KIF21A: variants seen among roughly 807,000 people sequenced by gnomAD.
The protein encoded by KIF21A is kinesin family member 21A.
In KIF21A, 114 loss-of-function variants were observed where a neutral mutation model predicts 202.9. The observed-to-expected ratio is 0.56, with a 90% CI of 0.48 to 0.66. The LOEUF (loss-of-function observed/expected upper bound fraction) is 0.66, where lower values mean the gene tolerates loss of function less well. KIF21A is among the 30% of genes least tolerant of loss of function. The pLI is 0.00. For missense variants in KIF21A, 1,677 were observed against 1,994.9 expected (o/e 0.84, Z 3.04); for synonymous variants, 667 against 670.8 (o/e 0.99, Z 0.09).
chr12:39,300,653 T>C (rs865942710), intron 37 of KIF21A, among the ~76,000 whole-genome samples: 9 of 152,254 alleles, frequency 5.9e-5, no homozygotes, highest in Middle Eastern at 3.4e-3. Context: ...ACACTTCACA[T>C]TATATAATAC....
At chr12:39,330,364 A>C in intron 23 of KIF21A, 102 bp from the exon 24 acceptor site, 1 of 1,021,250 alleles carries the variant, frequency 9.8e-7, no homozygotes, top group Non-Finnish European at 1.5e-6. Flanking sequence ...TACCATTTAC[A>C]TGTAGAATAG....
rs1212315124 is a variant in KIF21A, at chr12:39,392,905, TAATAA to T, written c.45-22649_45-22645del. ...AGAAAAAGACAATAAAATAAAAAGA[TAATAA>T]AATAAAATAAAAAGGTAATAAAATA... On this transcript the variant is annotated intron_variant, in intron 1 of 37. Transcript: ENST00000361418. Among the ~76,000 whole-genome samples the T allele has an allele frequency of 7.1e-5, 10 of 140,298 alleles. No homozygotes were observed. In the East Asian group the frequency reaches 1.8e-3, roughly 26 times the overall value. 92.0% of individuals were successfully genotyped at this position (140,298 alleles called of 152,430 possible). A position where few individuals can be genotyped will look rare whatever the true frequency, so the allele number is the denominator to read the frequency against.
At chr12:39,404,262 G>A (rs955920182) in intron 1 of KIF21A, among the ~76,000 whole-genome samples, 2 of 152,060 alleles carry the variant, frequency 1.3e-5, no homozygotes, top group African/African-American at 4.8e-5. Context: ...CCATGCCTAG[G>A]TCCAGGAGAT....
chr12:39,388,104 A>T (rs1184186287), intron 1 of KIF21A, among the ~76,000 whole-genome samples: 6 of 152,098 alleles, frequency 3.9e-5, no homozygotes, highest in Non-Finnish European at 5.9e-5. Context: ...TTTGATCCCC[A>T]GTGTTGGAGG....
intron 22 of KIF21A, among the ~76,000 whole-genome samples, chr12:39,331,445 G>A (rs1247279472): frequency 6.6e-6 from 1 of 152,050 alleles, no homozygotes; most frequent in Non-Finnish European, 1.5e-5. Context: ...AGCAAAAGGG[G>A]AATTATTTCT....
At chr12:39,434,871 A>G (rs1234069401) in intron 1 of KIF21A, among the ~76,000 whole-genome samples, 1 of 152,228 alleles carries the variant, frequency 6.6e-6, no homozygotes, top group Admixed American at 6.5e-5. Flanking sequence ...AAGATAAAAG[A>G]CTTATTTAGA....
At chr12:39,392,209 G>C (rs1469449683) in intron 1 of KIF21A, among the ~76,000 whole-genome samples, 1 of 152,178 alleles carries the variant, frequency 6.6e-6, no homozygotes, top group Non-Finnish European at 1.5e-5. Flanking sequence ...AATTAACAGA[G>C]CTTAGAAAAA....
At chr12:39,383,891 C>T (rs929584858) in intron 1 of KIF21A, among the ~76,000 whole-genome samples, 1 of 152,130 alleles carries the variant, frequency 6.6e-6, no homozygotes, top group African/African-American at 2.4e-5. Flanking sequence ...TTAATGTGTA[C>T]ATGAATTACT....
chr12:39,324,062 A>T (rs1043921426), intron 26 of KIF21A, among the ~76,000 whole-genome samples: 1 of 152,012 alleles, frequency 6.6e-6, no homozygotes, highest in Non-Finnish European at 1.5e-5. Context: ...GTGAGCTGAG[A>T]TCGCGCCACT....
At chr12:39,393,072 T>C (rs1417441952) in intron 1 of KIF21A, among the ~76,000 whole-genome samples, 1 of 151,074 alleles carries the variant, frequency 6.6e-6, no homozygotes, top group Admixed American at 6.6e-5. Flanking sequence ...CTAAGGAAAT[T>C]GCTGTGTAGG....
chr12:39,339,685 A>G (rs1192915460), intron 16 of KIF21A, among the ~76,000 whole-genome samples: 1 of 152,208 alleles, frequency 6.6e-6, no homozygotes, highest in African/African-American at 2.4e-5. Context: ...TGGACAGGGG[A>G]AGAAAATTAG....
chr12:39,400,421 C>T (rs141362983), intron 1 of KIF21A, among the ~76,000 whole-genome samples: 271 of 152,276 alleles, frequency 1.8e-3, no homozygotes, highest in African/African-American at 5.8e-3. Flanking sequence ...GCTATTCTTC[C>T]TAATGCTCTA....
In KIF21A at chr12:39,367,993, G is replaced by A. The variant is rs745978127; in HGVS notation, c.490C>T (p.Arg164Cys). 5.6e-6 allele frequency: 9 copies of A among 1,596,848 alleles called. No homozygotes were observed. Among genetic ancestry groups the A allele is most frequent in the South Asian group, 2.2e-5 (2 of 90,674 alleles). Residue 164 changes from arginine to cysteine, a missense_variant, in exon 4 of 38, where the codon CGT becomes TGT. Physicochemically the swap from Arg to Cys is radical, Grantham distance 180 (BLOSUM62 -3). Coordinates refer to ENST00000361418, the MANE Select transcript of KIF21A (RefSeq NM_001173464.2). ...TTTTTACTTTTTGCATCAATATCAC[G>A]AGTGGTATCAAATAAGTCAAGGACC... ...EEVLDLFDTT[R>C]DIDAKSKKSN...
intron 1 of KIF21A, among the ~76,000 whole-genome samples, chr12:39,428,255 A>G (rs1303517167): frequency 3.3e-5 from 5 of 152,236 alleles, no homozygotes; most frequent in African/African-American, 1.2e-4. Context: ...CAGTAAACCA[A>G]CTTTTGTGAA....
In KIF21A at chr12:39,346,466, C is replaced by T. The variant is rs1254959041; in HGVS notation, c.1712G>A (p.Ser571Asn). Residue 571 changes from serine (S) to asparagine (N), a missense_variant and splice_region_variant, in exon 12 of 38, where the codon AGT becomes AAT. Transcript: ENST00000361418. ...TAAAAAACCTGGGAAATATTCCAAC[C>T]TTCTTTCTTCTCGATTGCTTTCCTC... is the stretch of plus-strand genomic sequence containing the variant. ...KLEESNREERSVAGKEDNTDT... is the reference protein window; with the variant it reads ...KLEESNREERNVAGKEDNTDT... 1 of 1,472,254 alleles carries T rather than the reference C, an allele frequency of 6.8e-7. No individual in the cohort carries two copies. The highest frequency in any genetic ancestry group is 1.4e-5 in the African/African-American group (1 of 70,240). The allele number at this position is 1,472,254 out of a possible 1,614,324, so 91.2% of individuals were successfully genotyped here. A position where few individuals can be genotyped will look rare whatever the true frequency, so the allele number is the denominator to read the frequency against.
chr12:39,331,839 C>T (rs747660608), intron 21 of KIF21A, 48 bp from the exon 22 acceptor site: 34 of 1,301,440 alleles, frequency 2.6e-5, no homozygotes, highest in Non-Finnish European at 3.7e-5. Context: ...GAGCTGAAAA[C>T]AGAAGGCAAC....
At position 39,351,855 on chromosome 12, in the gene KIF21A, T is replaced by G. The variant is rs1948410647; in HGVS notation, c.1595A>C (p.Lys532Thr). The G allele has an allele frequency of 6.2e-7, 1 of 1,609,230 alleles. No individual in the cohort carries two copies. Among genetic ancestry groups the G allele is most frequent in the Non-Finnish European group, 8.5e-7 (1 of 1,175,902 alleles). Residue 532 changes from lysine to threonine, a missense_variant, in exon 11 of 38, where the codon AAA (lysine) becomes ACA (threonine). By Grantham distance (78) the Lys-to-Thr change is moderately conservative (BLOSUM62 -1). This residue lies in a region of KIF21A where 966 missense variants were observed against 1,180.9 expected (regional missense o/e 0.82). Coordinates refer to ENST00000361418, the MANE Select transcript of KIF21A (RefSeq NM_001173464.2). ...TFSPTILSSD[K>T]ETIEIIDLAK... ...TAGGTCTATAATTTCAATGGTTTCT[T>G]TGTCTGAGGATAGTATGGTAGGAGA...
intron 1 of KIF21A, among the ~76,000 whole-genome samples, chr12:39,391,329 T>C (rs538432082): frequency 6.6e-6 from 1 of 152,230 alleles, no homozygotes; most frequent in Non-Finnish European, 1.5e-5. Flanking sequence ...ACTTCCTGAG[T>C]TCAGATAGCT....
chr12:39,428,042 G>A (rs567978730), intron 1 of KIF21A, among the ~76,000 whole-genome samples: 2 of 152,294 alleles, frequency 1.3e-5, no homozygotes, highest in South Asian at 4.1e-4. Flanking sequence ...ATAAGCCTCT[G>A]CTGTGCAGTA....
Sources: allele counts gnomAD v4.1 joint callset (sites outside exome capture counted in the v4.1 genomes callset), GRCh38; gene constraint gnomAD v4.1.1; regional missense constraint gnomAD v4.1.1; transcripts MANE v1.5; gene names NCBI Gene and HGNC (gene_info 2026-07-23, HGNC 2026-07-21).